The following TSPAN8 variants were observed in gnomAD, a reference collection of about 807,000 sequenced individuals.
TSPAN8 encodes the protein tetraspanin 8, also known as tetraspanin-8.
In TSPAN8, 21 loss-of-function variants were observed where a neutral mutation model predicts 32.8. The observed-to-expected ratio is 0.64, with a 90% CI of 0.45 to 0.92. TSPAN8 has a LOEUF of 0.92. Ranked by LOEUF, TSPAN8 falls within the 40% of genes least tolerant of loss-of-function variation. The pLI is 0.00. For missense variants in TSPAN8, 269 were observed against 281.9 expected (o/e 0.95, Z 0.33); for synonymous variants, 95 against 94.6 (o/e 1.00, Z -0.03).
intron 3 of TSPAN8, 121 bp from the exon 4 acceptor site, chr12:71,139,969 C>T (rs1871846946): frequency 1.0e-5 from 5 of 491,894 alleles, no homozygotes; most frequent in Non-Finnish European, 1.2e-5. Flanking sequence ...CCCTGAAATA[C>T]ATCAGTGATC....
At chr12:71,140,695 C>T (rs942034014) in intron 3 of TSPAN8, among the ~76,000 whole-genome samples, 1 of 152,198 alleles carries the variant, frequency 6.6e-6, no homozygotes, top group Non-Finnish European at 1.5e-5. Flanking sequence ...CTTCATCACC[C>T]TCATAACACT....
intron 2 of TSPAN8, among the ~76,000 whole-genome samples, chr12:71,144,953 G>C (rs748569225): frequency 1.2e-4 from 18 of 151,306 alleles, no homozygotes; most frequent in South Asian, 8.4e-4. Flanking sequence ...TGTCATTCAG[G>C]GTTTAAAAAA....
In TSPAN8 at chr12:71,144,156, G is replaced by C; in HGVS notation, c.118C>G (p.Gln40Glu). ...AIWVRVSNDS[Q>E]AIFGSEDVGS... is the part of the protein sequence containing the mutation. ...ACTTGTTTTTGCATACTTACTGCTT[G>C]AGAGTCATTGCTTACTCGTACCCAT... The change falls in exon 3 of 9, where the codon CAA becomes GAA. Residue 40 changes from glutamine (Q) to glutamate (E), a missense_variant. Physicochemically the swap from Gln to Glu is conservative, Grantham distance 29 (BLOSUM62 2). Transcript: ENST00000247829. 1 of 1,611,584 alleles carries C rather than the reference G, an allele frequency of 6.2e-7. No homozygotes were observed. Among genetic ancestry groups the C allele is most frequent in the Non-Finnish European group, 8.5e-7 (1 of 1,178,956 alleles).
At chr12:71,146,070 A>T (rs1361868311) in intron 2 of TSPAN8, among the ~76,000 whole-genome samples, 1 of 152,156 alleles carries the variant, frequency 6.6e-6, no homozygotes, top group African/African-American at 2.4e-5. Flanking sequence ...CCCCTCAGAT[A>T]GCAACTTTTA....
At position 71,138,163 on chromosome 12, in the gene TSPAN8, T is replaced by C. The variant is rs1196046276; in HGVS notation, c.329A>G (p.Lys110Arg). The C allele has an allele frequency of 6.2e-7, 1 of 1,613,948 alleles. No homozygotes were observed. The highest frequency in any genetic ancestry group is 8.5e-7 in the Non-Finnish European group (1 of 1,179,918). Residue 110 changes from lysine to arginine, a missense_variant, in exon 5 of 9, where the codon AAA becomes AGA. Coordinates refer to ENST00000247829, the MANE Select transcript of TSPAN8 (RefSeq NM_004616.3). Reference sequence around the variant, plus strand: ...AAACATCTGTGCACACACCTTAGATTTGAAAACAGCTCCTAGGATACCTGT... The same window carrying C: ...AAACATCTGTGCACACACCTTAGATCTGAAAACAGCTCCTAGGATACCTGT... Reference protein sequence around the residue: ...VATGILGAVFKSKSDRIVNET... With the variant: ...VATGILGAVFRSKSDRIVNET...
intron 6 of TSPAN8, among the ~76,000 whole-genome samples, chr12:71,135,948 C>T (rs1495381): frequency 0.41 from 62,442 of 151,930 alleles, 13,342 homozygotes; most frequent in African/African-American, 0.5. Context: ...GATGCAGCTA[C>T]AGGGGAGCTA....
At chr12:71,139,904 C>A in intron 3 of TSPAN8, 56 bp from the exon 4 acceptor site, 1 of 1,562,354 alleles carries the variant, frequency 6.4e-7, no homozygotes, top group South Asian at 1.2e-5. Context: ...GTTTATTTTG[C>A]TCATTCAACA....
intron 3 of TSPAN8, among the ~76,000 whole-genome samples, chr12:71,140,885 C>A (rs1871883472): frequency 1.3e-5 from 2 of 152,306 alleles, no homozygotes; most frequent in South Asian, 2.1e-4. Context: ...TAACTCGAAA[C>A]CTCTGCCTCC....
At chr12:71,145,420 C>T (rs535465963) in intron 2 of TSPAN8, among the ~76,000 whole-genome samples, 15 of 152,190 alleles carry the variant, frequency 9.9e-5, no homozygotes, top group Admixed American at 6.5e-4. Context: ...ACTTCAGCTC[C>T]TACAAAATAA....
At chr12:71,140,093 A>G (rs1871854266) in intron 3 of TSPAN8, among the ~76,000 whole-genome samples, 1 of 151,948 alleles carries the variant, frequency 6.6e-6, no homozygotes, top group African/African-American at 2.4e-5. Flanking sequence ...GTTTTTTTAA[A>G]CCGTATTTTT....
chr12:71,141,234 A>T (rs560939113), intron 3 of TSPAN8, among the ~76,000 whole-genome samples: 1 of 152,332 alleles, frequency 6.6e-6, no homozygotes, highest in South Asian at 2.1e-4. Context: ...GCTTACAGAT[A>T]ATGTTTCAAT....
chr12:71,152,091 G>T (rs1481855736), intron 2 of TSPAN8, among the ~76,000 whole-genome samples: 1 of 152,188 alleles, frequency 6.6e-6, no homozygotes, highest in African/African-American at 2.4e-5. Context: ...TCAGTCCTTG[G>T]TTACAGGTTT....
rs1871557487 is a variant in TSPAN8, at chr12:71,132,747, AC to A, written c.521del (p.Cys174PhefsTer2). 6.2e-7 allele frequency: 1 copy of A among 1,613,886 alleles called. No homozygotes were observed. Among genetic ancestry groups the A allele is most frequent in the Admixed American group, 1.7e-5 (1 of 60,002 alleles). Reference sequence around the variant, plus strand: ...TTTGGCATGGTCTCTGCTTATCTAGACAGGCACATAATTCAGGATAGTGTTG... The same window carrying A: ...TTTGGCATGGTCTCTGCTTATCTAGAAGGCACATAATTCAGGATAGTGTTG... The part of the protein sequence containing the change: ...NFQHYPELCA[C>X]LDKQRPCQSY... On this transcript the variant is annotated frameshift_variant, in exon 7 of 9. Transcript: ENST00000247829. LOFTEE classifies it high-confidence loss of function.
chr12:71,139,050 C>A (rs900132677), intron 4 of TSPAN8: 3 of 449,532 alleles, frequency 6.7e-6, no homozygotes, highest in Non-Finnish European at 9.0e-6. Flanking sequence ...CCCAATTTAT[C>A]CTCCTCAATG....
chr12:71,148,363 T>TATC (rs1872141372), intron 2 of TSPAN8, among the ~76,000 whole-genome samples: 1 of 152,238 alleles, frequency 6.6e-6, no homozygotes, highest in African/African-American at 2.4e-5. Context: ...AGGAGAAGAA[T>TATC]ATCACCAGCC....
At chr12:71,144,294 G>A in intron 2 of TSPAN8, 81 bp from the exon 3 acceptor site, 1 of 1,269,760 alleles carries the variant, frequency 7.9e-7, no homozygotes, top group South Asian at 1.3e-5. Context: ...TATCTATCCG[G>A]TGACAGTAGT....
chr12:71,143,642 A>G (rs1871979652), intron 3 of TSPAN8, among the ~76,000 whole-genome samples: 4 of 152,216 alleles, frequency 2.6e-5, no homozygotes, highest in Admixed American at 2.6e-4. Flanking sequence ...TGCCACAGGT[A>G]AATAACAAGT....
At chr12:71,143,800 GA>G (rs2137055662) in intron 3 of TSPAN8, among the ~76,000 whole-genome samples, 1 of 152,242 alleles carries the variant, frequency 6.6e-6, no homozygotes, top group African/African-American at 2.4e-5. Context: ...TCTTCTTGGT[GA>G]GAAGGAGAGG....
At chr12:71,144,269 A>G in intron 2 of TSPAN8, 56 bp from the exon 3 acceptor site, 2 of 1,494,860 alleles carry the variant, frequency 1.3e-6, no homozygotes, top group Non-Finnish European at 1.8e-6. Context: ...ATGAAACTCT[A>G]TTTCCACACC....
Sources: gnomAD v4.1 joint callset for allele counts (sites outside exome capture counted in the v4.1 genomes callset) on GRCh38, gnomAD v4.1.1 for gene constraint, MANE v1.5 for transcripts, NCBI Gene and HGNC (gene_info 2026-07-23, HGNC 2026-07-21) for gene names.